The following AFG1L variants were observed in gnomAD, a reference collection of about 807,000 sequenced individuals.
AFG1L encodes AFG1-like ATPase.
Under a neutral mutation model 62.2 loss-of-function variants are expected in AFG1L, and 53 were observed. That is an observed-to-expected ratio of 0.85 (90% CI 0.68 to 1.07). The LOEUF is 1.07. AFG1L is among the 50% of genes least tolerant of loss of function. The pLI, the probability that AFG1L is intolerant of heterozygous loss-of-function variation, is 0.00. For missense variants in AFG1L, 555 were observed against 590.5 expected (o/e 0.94, Z 0.62); for synonymous variants, 228 against 210.3 (o/e 1.08, Z -0.73).
At chr6:108,477,060 A>G in intron 9 of AFG1L, 125 bp downstream of exon 9, 2 of 1,032,828 alleles carry the variant, frequency 1.9e-6, no homozygotes, top group East Asian at 2.4e-5. Flanking sequence ...CAGTCATTGT[A>G]TCAGCATTTT....
chr6:108,454,292 A>G (rs973136175), intron 8 of AFG1L, among the ~76,000 whole-genome samples: 3 of 152,246 alleles, frequency 2.0e-5, no homozygotes, highest in African/African-American at 7.2e-5. Context: ...TTAGCAGTCA[A>G]GGTTGCAGAA....
chr6:108,462,164 G>C (rs939396641), intron 8 of AFG1L, among the ~76,000 whole-genome samples: 7 of 152,064 alleles, frequency 4.6e-5, no homozygotes, highest in Non-Finnish European at 1.0e-4. Flanking sequence ...CACTTTGAGA[G>C]GCTGAGATGG....
chr6:108,456,281 T>A (rs73763126), intron 8 of AFG1L, among the ~76,000 whole-genome samples: 4,632 of 152,182 alleles, frequency 0.03, 213 homozygotes, highest in African/African-American at 0.1. Context: ...GATATGTCTT[T>A]TCTCATCTTT....
intron 7 of AFG1L, among the ~76,000 whole-genome samples, chr6:108,440,927 A>G (rs1190380047): frequency 3.3e-5 from 5 of 152,226 alleles, no homozygotes; most frequent in African/African-American, 1.2e-4. Context: ...CAAGAAAAAC[A>G]CTAATAATTT....
chr6:108,483,637 C>T (rs143416260), intron 10 of AFG1L, among the ~76,000 whole-genome samples: 48 of 152,296 alleles, frequency 3.2e-4, no homozygotes, highest in African/African-American at 1.1e-3. Flanking sequence ...TAACTGTTTG[C>T]AAGAGCAGTT....
chr6:108,359,087 G>A (rs547512972), intron 5 of AFG1L: 3 of 152,204 alleles, frequency 2.0e-5, no homozygotes, highest in Admixed American at 2.0e-4. Context: ...GCCTGTATCT[G>A]TCTATTTTGT....
intron 7 of AFG1L, among the ~76,000 whole-genome samples, chr6:108,425,574 C>A (rs144254087): frequency 6.6e-6 from 1 of 152,206 alleles, no homozygotes; most frequent in East Asian, 1.9e-4. Context: ...GGTCTACAAT[C>A]CAGATTTCCT....
chr6:108,339,175 G>A (rs1778583975), intron 2 of AFG1L, among the ~76,000 whole-genome samples: 4 of 148,164 alleles, frequency 2.7e-5, no homozygotes, highest in Admixed American at 2.0e-4. Flanking sequence ...TTTTGAGACA[G>A]ATTCTTGCTC....
At chr6:108,477,721 A>C (rs1773168609) in intron 10 of AFG1L, among the ~76,000 whole-genome samples, 1 of 152,218 alleles carries the variant, frequency 6.6e-6, no homozygotes, top group African/African-American at 2.4e-5. Context: ...TATTGCCATA[A>C]CATTGGACCT....
At chr6:108,512,883 G>T (rs908914433) in intron 11 of AFG1L, among the ~76,000 whole-genome samples, 11 of 152,234 alleles carry the variant, frequency 7.2e-5, no homozygotes, top group African/African-American at 2.6e-4. Flanking sequence ...CATTATTCTA[G>T]AATGTATTCA....
At chr6:108,412,303 A>C (rs1184686651) in intron 7 of AFG1L, among the ~76,000 whole-genome samples, 1 of 152,248 alleles carries the variant, frequency 6.6e-6, no homozygotes, top group Non-Finnish European at 1.5e-5. Flanking sequence ...TGTATCTGAA[A>C]GTGACGGGGA....
chr6:108,385,195 T>G (rs1780709295), intron 6 of AFG1L, among the ~76,000 whole-genome samples: 1 of 152,220 alleles, frequency 6.6e-6, no homozygotes, highest in African/African-American at 2.4e-5. Context: ...ATAGAGGTTT[T>G]GGGAACAGGC....
At chr6:108,296,362 T>G (rs146572200) in intron 1 of AFG1L, among the ~76,000 whole-genome samples, 1,780 of 152,300 alleles carry the variant, frequency 0.012, 25 homozygotes, top group African/African-American at 0.038. Flanking sequence ...TTTTTCATTT[T>G]TGGTAGTCAA....
rs143305669 is a variant in AFG1L at position 108,317,333 on chromosome 6, C to T, written c.140-6492C>T. Among the ~76,000 whole-genome samples, 7 of 152,148 alleles carry T rather than the reference C, an allele frequency of 4.6e-5. No individual in the cohort carries two copies. In the East Asian group the frequency reaches 5.8e-4, roughly 13 times the overall value. Reference sequence around the variant, plus strand: ...CTGAGGGTTTTTATGGACAATTTCACGGGCAGGGGGCTAGGGAATGGCACT... The same window carrying T: ...CTGAGGGTTTTTATGGACAATTTCATGGGCAGGGGGCTAGGGAATGGCACT... On this transcript the variant is annotated intron_variant, in intron 1 of 12. Coordinates refer to ENST00000368977, the MANE Select transcript of AFG1L (RefSeq NM_145315.5).
intron 2 of AFG1L, among the ~76,000 whole-genome samples, chr6:108,346,055 T>A (rs1778852113): frequency 6.6e-6 from 1 of 152,164 alleles, no homozygotes; most frequent in Non-Finnish European, 1.5e-5. Context: ...GGATGTACAT[T>A]CAAGTTGTGT....
chr6:108,340,474 C>T (rs1193910404), intron 2 of AFG1L, among the ~76,000 whole-genome samples: 2 of 151,798 alleles, frequency 1.3e-5, no homozygotes, highest in Admixed American at 1.3e-4. Context: ...AGCGATTCTC[C>T]TCCTCAGCCT....
intron 6 of AFG1L, among the ~76,000 whole-genome samples, chr6:108,368,673 T>TTTAGACA (rs1779861514): frequency 6.6e-6 from 1 of 152,194 alleles, no homozygotes; most frequent in Non-Finnish European, 1.5e-5. Flanking sequence ...CAGTATTACC[T>TTTAGACA]TTAGACATTC....
chr6:108,358,133 G>C (rs554639002), intron 5 of AFG1L, among the ~76,000 whole-genome samples: 1 of 152,306 alleles, frequency 6.6e-6, no homozygotes, highest in African/African-American at 2.4e-5. Flanking sequence ...GCCTCATTGA[G>C]TCGTTTGAAA....
rs536457854 is a variant in AFG1L at position 108,312,199 on chromosome 6, C to T, written c.140-11626C>T. Among the ~76,000 whole-genome samples the T allele has an allele frequency of 3.9e-5, 6 of 152,266 alleles. No individual in the cohort carries two copies. The South Asian group carries it at 1.2e-3, about 32-fold the overall frequency. On this transcript the variant is annotated intron_variant, in intron 1 of 12. Coordinates refer to ENST00000368977, the MANE Select transcript of AFG1L (RefSeq NM_145315.5). ...ATTTTAAAAAGAAAATGTTTACTTT[C>T]TGTTGAAAGATTCTGGTCCCTCATT...
Sources: allele counts gnomAD v4.1 joint callset (sites outside exome capture counted in the v4.1 genomes callset), GRCh38; gene constraint gnomAD v4.1.1; transcripts MANE v1.5; gene names NCBI Gene and HGNC (gene_info 2026-07-23, HGNC 2026-07-21).